CASS4: variants seen among roughly 807,000 people sequenced by gnomAD.
The protein encoded by CASS4 is cas scaffolding protein family member 4.
A neutral mutation model predicts 54.2 loss-of-function variants in CASS4; 22 were observed. That is an observed-to-expected ratio of 0.41 (90% confidence interval 0.29 to 0.58). CASS4 has a LOEUF of 0.58. Among genes scored for constraint, CASS4 ranks in the 20% least tolerant of loss-of-function variants. The pLI, the probability that CASS4 is intolerant of heterozygous loss-of-function variation, is 0.36. For missense variants in CASS4, 854 were observed against 986.7 expected, an observed-to-expected ratio of 0.87 and a Z score of 1.80; for synonymous variants, 409 against 391.5, an observed-to-expected ratio of 1.04 and a Z score of -0.53.
chr20:56,436,336 A>G (rs572849863), intron 1 of CASS4, among the ~76,000 whole-genome samples: 133 of 142,464 alleles, frequency 9.3e-4, no homozygotes, highest in Middle Eastern at 3.6e-3. Flanking sequence ...TGCTATATAT[A>G]TGTGTGTGTG....
At chr20:56,434,568 C>A (rs1980064477) in intron 1 of CASS4, among the ~76,000 whole-genome samples, 1 of 151,764 alleles carries the variant, frequency 6.6e-6, no homozygotes, top group Non-Finnish European at 1.5e-5. Flanking sequence ...TCCCAAGTAG[C>A]TGGGTCTACA....
In CASS4 at chr20:56,450,686, A is replaced by G. The variant is rs745886142; in HGVS notation, c.642+7A>G. ...CCCAGACAGCCAAGCAAGTGTAAGT[A>G]TGAAGAGGTGCTAAGGTGCGGTGTT... On this transcript the variant is annotated splice_region_variant and intron_variant, in intron 4 of 5. Coordinates refer to ENST00000679887, the MANE Select transcript of CASS4 (RefSeq NM_020356.4). 1 of 1,613,646 alleles carries G rather than the reference A, an allele frequency of 6.2e-7. No individual in the cohort carries two copies. Among genetic ancestry groups the G allele is most frequent in the Non-Finnish European group, 8.5e-7 (1 of 1,179,604 alleles).
At chr20:56,433,136 G>A (rs779453757) in intron 1 of CASS4, among the ~76,000 whole-genome samples, 1 of 152,238 alleles carries the variant, frequency 6.6e-6, no homozygotes, top group South Asian at 2.1e-4. Context: ...TTCTTATGGG[G>A]AGACAGACCC....
intron 1 of CASS4, among the ~76,000 whole-genome samples, chr20:56,422,517 G>C (rs1383345498): frequency 6.6e-6 from 1 of 152,198 alleles, no homozygotes; most frequent in African/African-American, 2.4e-5. Context: ...ATGTCGATCT[G>C]GGTAACACCC....
Position 56,456,323 on chromosome 20 carries a change from T to C in CASS4, c.1954-2017T>C, listed in dbSNP as rs79834838. 9.0e-3 allele frequency among the ~76,000 whole-genome samples: 1,375 copies of C among 152,294 alleles called. 14 individuals are homozygous for C. The highest frequency in any genetic ancestry group is 0.014 in the South Asian group (68 of 4,826). On this transcript the variant is annotated intron_variant, in intron 5 of 5. Transcript: ENST00000679887. ...ACCTCCCTACGGTTAATATTTTCAC[T>C]TAAGATGCTCATAATCTGATGCCTA...
intron 1 of CASS4, among the ~76,000 whole-genome samples, chr20:56,421,806 A>C (rs1166954908): frequency 6.6e-6 from 1 of 152,052 alleles, no homozygotes; most frequent in Admixed American, 6.6e-5. Flanking sequence ...TTCTTTCTTT[A>C]TGCCTTTCCT....
Position 56,458,718 on chromosome 20 carries a change from A to T in CASS4, c.2332A>T (p.Thr778Ser). The change falls in exon 6 of 6, where the codon ACG becomes TCG. Residue 778 changes from threonine (T) to serine (S), a missense_variant. By Grantham distance (58) the Thr-to-Ser change is moderately conservative. Coordinates refer to ENST00000679887, the MANE Select transcript of CASS4 (RefSeq NM_020356.4). Reference protein sequence around the residue: ...QAEAEKLEQHTRQFRGTLG With the variant: ...QAEAEKLEQHSRQFRGTLG ...GGAGGCTGAGAAGCTGGAGCAACAC[A>T]CGCGGCAGTTCAGAGGGACACTGGG... 6.2e-7 allele frequency: 1 copy of T among 1,609,996 alleles called. No homozygotes were observed. The highest frequency in any genetic ancestry group is 1.1e-5 in the South Asian group (1 of 90,744).
Position 56,458,503 on chromosome 20 carries a change from G to A in CASS4, c.2117G>A (p.Ser706Asn). 1.2e-6 allele frequency: 2 copies of A among 1,614,204 alleles called. No homozygotes were observed. Among genetic ancestry groups the A allele is most frequent in the Non-Finnish European group, 1.7e-6 (2 of 1,180,048 alleles). ...CAGCCCGCGGAGATCATCACTCAGA[G>A]CAAGCTGGTCATCATGGTGGGACAG... ...SSQPAEIITQ[S>N]KLVIMVGQKL... Residue 706 changes from serine (S) to asparagine (N), a missense_variant, in exon 6 of 6, where the codon AGC (serine) becomes AAC (asparagine). Transcript: ENST00000679887.
rs140289066 is a variant in CASS4 at position 56,426,461 on chromosome 20, C to G, written c.37-10703C>G. On this transcript the variant is annotated intron_variant, in intron 1 of 5. Transcript: ENST00000679887. ...GCGTAGTTAGAGTGCGACAGACACT[C>G]CTTTCAGGGCGAACAGAATGGTTTT... Among the ~76,000 whole-genome samples the G allele has an allele frequency of 3.3e-3, 502 of 152,262 alleles. 4 individuals are homozygous for G. The highest frequency in any genetic ancestry group is 0.012 in the African/African-American group (486 of 41,550).
chr20:56,458,983 A>C lies in CASS4; in HGVS notation c.*236A>C. On this transcript the variant is annotated 3_prime_UTR_variant, in exon 6 of 6. Transcript: ENST00000679887. ...AAAGACCTTGTGAAGTTTAGCATATATGGAGTATGCAGTATCAGCTTGAAG... is the reference window on the plus strand; with the variant it reads ...AAAGACCTTGTGAAGTTTAGCATATCTGGAGTATGCAGTATCAGCTTGAAG... 1 of 513,120 alleles carries C rather than the reference A, an allele frequency of 1.9e-6. No individual in the cohort carries two copies. The highest frequency in any genetic ancestry group is 1.9e-5 in the African/African-American group (1 of 53,110). The allele number at this position is 513,120 out of a possible 1,614,324, so 31.8% of individuals were successfully genotyped here.
In CASS4 at chr20:56,458,352, C is replaced by G. The variant is rs141340009; in HGVS notation, c.1966C>G (p.Leu656Val). 6.2e-7 allele frequency: 1 copy of G among 1,611,560 alleles called. No homozygotes were observed. Among genetic ancestry groups the G allele is most frequent in the South Asian group, 1.1e-5 (1 of 91,044 alleles). The change falls in exon 6 of 6, where the codon CTT (leucine) becomes GTT (valine). Residue 656 changes from leucine to valine, a missense_variant. By Grantham distance (32) the Leu-to-Val change is conservative. Coordinates refer to ENST00000679887, the MANE Select transcript of CASS4 (RefSeq NM_020356.4). Reference protein sequence around the residue: ...ANICGQNPGPLIPQPSSQQTP... With the variant: ...ANICGQNPGPVIPQPSSQQTP... ...TTCCCTTCTTTAGAATCCTGGCCCT[C>G]TTATACCTCAGCCTTCGAGTCAACA...
intron 1 of CASS4, among the ~76,000 whole-genome samples, chr20:56,434,072 A>G (rs1178716208): frequency 6.6e-6 from 1 of 152,162 alleles, no homozygotes; most frequent in African/African-American, 2.4e-5. Context: ...TCATCCAACA[A>G]AGAGGTAATG....
chr20:56,448,446 A>C (rs1399035559), intron 3 of CASS4, among the ~76,000 whole-genome samples: 1 of 151,948 alleles, frequency 6.6e-6, no homozygotes, highest in Non-Finnish European at 1.5e-5. Context: ...TCTCTTTTCA[A>C]CTTTCCCAAG....
chr20:56,454,955 A>G (rs1427249226), intron 5 of CASS4, among the ~76,000 whole-genome samples: 1 of 152,160 alleles, frequency 6.6e-6, no homozygotes, highest in Non-Finnish European at 1.5e-5. Flanking sequence ...ATTAACCATT[A>G]CTGAAATGAC....
chr20:56,426,382 T>G (rs1979638794), intron 1 of CASS4, among the ~76,000 whole-genome samples: 1 of 152,186 alleles, frequency 6.6e-6, no homozygotes, highest in Non-Finnish European at 1.5e-5. Context: ...ACCCGCGAGC[T>G]ATCCTGATTC....
chr20:56,418,346 C>T (rs2146262808), intron 1 of CASS4, among the ~76,000 whole-genome samples: 1 of 152,190 alleles, frequency 6.6e-6, no homozygotes, highest in East Asian at 1.9e-4. Flanking sequence ...GAAGAGTAAA[C>T]CAAGAGAGAG....
At chr20:56,433,333 G>T (rs1358903289) in intron 1 of CASS4, among the ~76,000 whole-genome samples, 1 of 152,186 alleles carries the variant, frequency 6.6e-6, no homozygotes, top group East Asian at 1.9e-4. Flanking sequence ...TTGGGGTAGA[G>T]AGAACAGCAT....
intron 4 of CASS4, 106 bp from the exon 5 acceptor site, chr20:56,451,712 TG>T: frequency 2.5e-6 from 2 of 795,334 alleles, no homozygotes; most frequent in Non-Finnish European, 4.1e-6. Context: ...GTAACAGAAA[TG>T]GGGAGCCACT....
chr20:56,431,355 G>A (rs1188653298), intron 1 of CASS4, among the ~76,000 whole-genome samples: 1 of 152,142 alleles, frequency 6.6e-6, no homozygotes, highest in Non-Finnish European at 1.5e-5. Flanking sequence ...AATATTGATG[G>A]TCTTTGCTAC....
Sources: gnomAD v4.1 joint callset for allele counts (sites outside exome capture counted in the v4.1 genomes callset) on GRCh38, gnomAD v4.1.1 for gene constraint, MANE v1.5 for transcripts, NCBI Gene and HGNC (gene_info 2026-07-23, HGNC 2026-07-21) for gene names.